Variants in DCAF4 observed in about 807,000 individuals in gnomAD.
DCAF4 encodes DDB1 and CUL4 associated factor 4, also known as DDB1- and CUL4-associated factor 4.
In DCAF4, 37 loss-of-function variants were observed where a neutral mutation model predicts 60.9. The ratio of observed to expected loss-of-function variants is 0.61; its 90% CI spans 0.47 to 0.80. DCAF4 has a LOEUF of 0.80. DCAF4 is among the 30% of genes least tolerant of loss of function. DCAF4 has a pLI of 0.00. For missense variants in DCAF4, 577 were observed against 650.0 expected (o/e 0.89, Z 1.22); for synonymous variants, 243 against 254.8 (o/e 0.95, Z 0.44).
downstream of DCAF4, among the ~76,000 whole-genome samples, chr14:72,960,431 T>G (rs1892773095): frequency 6.6e-6 from 1 of 152,162 alleles, no homozygotes; most frequent in African/African-American, 2.4e-5. Context: ...ATTATAGGCC[T>G]GAGCCACCGC....
At position 72,943,009 on chromosome 14, in the gene DCAF4, G is replaced by A. The variant is rs1237979823; in HGVS notation, c.447G>A (p.Leu149=). 1 of 1,614,030 alleles carries A rather than the reference G, an allele frequency of 6.2e-7. No homozygotes were observed. The change falls in exon 6 of 14, where the codon CTG becomes CTA. Residue 149 remains leucine, a synonymous_variant. Transcript: ENST00000358377. ...VTNYCHLAHE[L]RLSCMERKKV... is the part of the protein sequence containing the mutation. Reference sequence around the variant, plus strand: ...GTTTCTGCAGTTTAGCCCACGAGCTGCGTCTCAGCTGCATGGAGAGGAAAA... The same window carrying A: ...GTTTCTGCAGTTTAGCCCACGAGCTACGTCTCAGCTGCATGGAGAGGAAAA...
chr14:72,944,028 G>A (rs188352583), intron 6 of DCAF4, among the ~76,000 whole-genome samples: 9 of 152,152 alleles, frequency 5.9e-5, no homozygotes, highest in African/African-American at 1.9e-4. Flanking sequence ...GAGTAGAATC[G>A]TCTCTTGTGG....
At chr14:72,950,667 A>G (rs1444220814) in intron 8 of DCAF4, among the ~76,000 whole-genome samples, 2 of 152,092 alleles carry the variant, frequency 1.3e-5, no homozygotes, top group Non-Finnish European at 2.9e-5. Flanking sequence ...TCCAACGACT[A>G]TGCTCATGTG....
At chr14:72,935,900 T>C (rs1889200977) in intron 1 of DCAF4, among the ~76,000 whole-genome samples, 1 of 152,244 alleles carries the variant, frequency 6.6e-6, no homozygotes, top group South Asian at 2.1e-4. Flanking sequence ...TTGACCTTTT[T>C]ATAGAGTTGG....
Position 72,941,802 on chromosome 14 carries a change from C to A in DCAF4, c.409C>A (p.Leu137Ile), listed in dbSNP as rs750056575. The A allele has an allele frequency of 1.2e-6, 2 of 1,614,014 alleles. No homozygotes were observed. Among genetic ancestry groups the A allele is most frequent in the Admixed American group, 3.3e-5 (2 of 59,986 alleles). ...SMLRKSQLGF[L>I]NVTNYCHLAH... ...GCTACGAAAAAGCCAGCTGGGTTTT[C>A]TCAACGTCACCAATTACTGCCAGTA... Residue 137 changes from leucine to isoleucine, a missense_variant, in exon 5 of 14, where the codon CTC becomes ATC. Physicochemically the swap from Leu to Ile is conservative, Grantham distance 5 (BLOSUM62 2). Transcript: ENST00000358377.
downstream of DCAF4, among the ~76,000 whole-genome samples, chr14:72,959,984 C>T (rs1892739925): frequency 6.6e-6 from 1 of 152,160 alleles, no homozygotes; most frequent in African/African-American, 2.4e-5. Flanking sequence ...TTGGAAAGCG[C>T]TCAGAGAGAG....
intron 1 of DCAF4, among the ~76,000 whole-genome samples, chr14:72,928,187 CT>C (rs565229070): frequency 0.097 from 6,507 of 67,070 alleles, 222 homozygotes; most frequent in East Asian, 0.27. Flanking sequence ...AATCCCCCCA[CT>C]TTTTTTTTTT....
chr14:72,945,864 T>G lies in DCAF4; in HGVS notation c.535-20T>G. ...AGGCGCAGCCTGGGACGTCACCCAC[T>G]GCCCCCTTCCCTTCTCCAGGCAGAT... On this transcript the variant is annotated intron_variant, in intron 6 of 13. Transcript: ENST00000358377. 1 of 1,614,036 alleles carries G rather than the reference T, an allele frequency of 6.2e-7. No homozygotes were observed. The highest frequency in any genetic ancestry group is 2.2e-5 in the East Asian group (1 of 44,888).
At chr14:72,930,637 G>T (rs1003305009) in intron 1 of DCAF4, among the ~76,000 whole-genome samples, 1 of 137,996 alleles carries the variant, frequency 7.2e-6, no homozygotes, top group African/African-American at 2.6e-5. Flanking sequence ...GTGTATGTGT[G>T]TGTGTATATA....
intron 12 of DCAF4, 120 bp downstream of exon 12, chr14:72,955,816 G>C (rs2140310683): frequency 1.1e-6 from 1 of 934,166 alleles, no homozygotes; most frequent in East Asian, 2.5e-5. Flanking sequence ...TTTCGCTGAA[G>C]ACCAAGTGAT....
At chr14:72,940,449 G>C in intron 4 of DCAF4, 72 bp downstream of exon 4, 3 of 1,495,150 alleles carry the variant, frequency 2.0e-6, no homozygotes, top group Non-Finnish European at 2.7e-6. Flanking sequence ...TGTTGAAAAG[G>C]GTGCCAATTA....
chr14:72,943,259 C>T (rs994273342), intron 6 of DCAF4, among the ~76,000 whole-genome samples, 163 bp downstream of exon 6: 4 of 152,292 alleles, frequency 2.6e-5, no homozygotes, highest in South Asian at 2.1e-4. Context: ...GCTGGCTACC[C>T]GCTGGGAGAC....
At chr14:72,941,980 G>A (rs1890105224) in intron 5 of DCAF4, 156 bp downstream of exon 5, 2 of 697,840 alleles carry the variant, frequency 2.9e-6, no homozygotes, top group South Asian at 2.0e-5. Context: ...GCCTTCTGCT[G>A]CTTAAACCCA....
At chr14:72,959,718 T>C (rs4903081), downstream of DCAF4, 192,980 of 957,296 alleles carry the variant, frequency 0.2, 20,532 homozygotes, top group East Asian at 0.48. Flanking sequence ...CCAGCTTTCA[T>C]AGCCTTCCTG....
rs71109770 is a variant in DCAF4 at position 72,955,914 on chromosome 14, C to CTTTTTTTTTTTTTTT, written c.1179+230_1179+244dup. On this transcript the variant is annotated intron_variant, in intron 12 of 13. Coordinates refer to ENST00000358377, the MANE Select transcript of DCAF4 (RefSeq NM_015604.4). The stretch of plus-strand genomic sequence containing the variant: ...GTGAAAAGGATTCTCTGGTTATGTC[C>CTTTTTTTTTTTTTTT]TTTTTTTTTTTTTTTTTTTTTTTTT... 3.5e-4 allele frequency among the ~76,000 whole-genome samples: 19 copies of CTTTTTTTTTTTTTTT among 54,766 alleles called. 2 individuals carry two copies. Among genetic ancestry groups the CTTTTTTTTTTTTTTT allele is most frequent in the African/African-American group, 1.2e-3 (17 of 13,966 alleles). The allele number at this position is 54,766 out of a possible 152,430, so 35.9% of individuals were successfully genotyped here.
intron 9 of DCAF4, among the ~76,000 whole-genome samples, chr14:72,952,928 C>T (rs59141588): frequency 0.14 from 19,683 of 145,236 alleles, 1,512 homozygotes; most frequent in East Asian, 0.21. Flanking sequence ...CTCCTGACCT[C>T]GTGATCCACC....
intron 1 of DCAF4, among the ~76,000 whole-genome samples, chr14:72,930,733 C>T (rs565317825): frequency 6.6e-6 from 1 of 152,086 alleles, no homozygotes; most frequent in Admixed American, 6.6e-5. Context: ...ACCTTTGTTT[C>T]CTTCAAAGAG....
chr14:72,947,020 C>A, intron 7 of DCAF4, 122 bp from the exon 8 acceptor site: 1 of 1,306,364 alleles, frequency 7.7e-7, no homozygotes. Flanking sequence ...TTGTTCCAGC[C>A]CATTTGAAGA....
rs565229070 is a variant in DCAF4, at chr14:72,928,187, C to CTTTTTTTTTTTTTTTTTTTTTT, written c.-9+1646_-9+1667dup. Among the ~76,000 whole-genome samples the CTTTTTTTTTTTTTTTTTTTTTT allele has an allele frequency of 2.2e-3, 151 of 67,276 alleles. 23 individuals are homozygous for CTTTTTTTTTTTTTTTTTTTTTT. The highest frequency in any genetic ancestry group is 4.7e-3 in the East Asian group (9 of 1,908). 44.1% of individuals were successfully genotyped at this position (67,276 alleles called of 152,430 possible). On this transcript the variant is annotated intron_variant, in intron 1 of 13. Coordinates refer to ENST00000358377, the MANE Select transcript of DCAF4 (RefSeq NM_015604.4). ...CCCGCTAGTCTACAGAATCCCCCCA[C>CTTTTTTTTTTTTTTTTTTTTTT]TTTTTTTTTTTTTTTTTTTTTTTGA...
Sources: allele counts gnomAD v4.1 joint callset (sites outside exome capture counted in the v4.1 genomes callset), GRCh38; gene constraint gnomAD v4.1.1; transcripts MANE v1.5; gene names NCBI Gene and HGNC (gene_info 2026-07-23, HGNC 2026-07-21).